The following ARHGEF11 variants were observed in gnomAD, a reference collection of about 807,000 sequenced individuals.
The protein encoded by ARHGEF11 is Rho guanine exchange factor (GEF) 11.
ARHGEF11 carries 55 observed loss-of-function variants against 193.7 expected under a neutral mutation model. The observed-to-expected ratio is 0.28, with a 90% CI of 0.23 to 0.36. The LOEUF (loss-of-function observed/expected upper bound fraction) is 0.36. ARHGEF11 is among the 10% of genes least tolerant of loss of function. The pLI, the probability that ARHGEF11 is intolerant of heterozygous loss-of-function variation, is 1.00. For synonymous variants in ARHGEF11, 693 were observed against 768.0 expected (o/e 0.90, Z 1.62); for missense variants, 1,723 against 2,005.6 (o/e 0.86, Z 2.69).
Position 156,947,377 on chromosome 1 carries a change from C to T in ARHGEF11, c.2415G>A (p.Lys805=), listed in dbSNP as rs1447199624. The change falls in exon 26 of 41, where the codon AAG becomes AAA. Residue 805 remains lysine, a synonymous_variant. Coordinates refer to ENST00000368194, the MANE Select transcript of ARHGEF11 (RefSeq NM_198236.3). ...CCTCCCGGGGCATCAGGTTCTCCTT[C>T]TTCATTCGCTGGTAGAAGATCAGGT... ...VLDLIFYQRM[K]KENLMPREEL... is the part of the protein sequence containing the mutation. 1.9e-6 allele frequency: 3 copies of T among 1,614,074 alleles called. No individual in the cohort carries two copies. Among genetic ancestry groups the T allele is most frequent in the Non-Finnish European group, 1.7e-6 (2 of 1,180,000 alleles).
chr1:156,940,724 A>G (rs907497901), intron 35 of ARHGEF11, among the ~76,000 whole-genome samples: 4 of 152,222 alleles, frequency 2.6e-5, no homozygotes, highest in African/African-American at 7.2e-5. Flanking sequence ...GAAGAAAACA[A>G]CAACAGGGCA....
chr1:156,948,560 G>A lies in ARHGEF11; in HGVS notation c.1926-62C>T, dbSNP rs779165516. The stretch of plus-strand genomic sequence containing the variant: ...AGTCAGTGGGCCATGCTTACATCCT[G>A]GCTAACTCTTACCTGTGGCTCCATC... On this transcript the variant is annotated intron_variant, in intron 22 of 40. Coordinates refer to ENST00000368194, the MANE Select transcript of ARHGEF11 (RefSeq NM_198236.3). The surrounding 1 kb of genome is among the most constrained non-coding windows in gnomAD (Gnocchi z 4.2). The A allele has an allele frequency of 6.2e-7, 1 of 1,613,548 alleles. No individual in the cohort carries two copies. The highest frequency in any genetic ancestry group is 1.1e-5 in the South Asian group (1 of 90,918).
Position 156,935,935 on chromosome 1 carries a change from G to C in ARHGEF11, c.*65C>G. On this transcript the variant is annotated 3_prime_UTR_variant, in exon 41 of 41. Transcript: ENST00000368194. The stretch of plus-strand genomic sequence containing the variant: ...AGTGTTGGGATCCCCCCTACCCTGT[G>C]CCCCGGTCTCAGGCCAGTCCCTGAA... 6.5e-7 allele frequency: 1 copy of C among 1,539,824 alleles called. No individual in the cohort carries two copies. The highest frequency in any genetic ancestry group is 2.3e-4 in the Middle Eastern group (1 of 4,302).
chr1:156,962,371 C>T (rs921916165), intron 13 of ARHGEF11, among the ~76,000 whole-genome samples: 1 of 152,234 alleles, frequency 6.6e-6, no homozygotes, highest in Non-Finnish European at 1.5e-5. Context: ...TCTACTCCAT[C>T]TGCCCTCCCG....
At chr1:156,954,252 T>C (rs2102034329) in intron 21 of ARHGEF11, among the ~76,000 whole-genome samples, 1 of 151,996 alleles carries the variant, frequency 6.6e-6, no homozygotes, top group South Asian at 2.1e-4. Context: ...TAGTGGCACA[T>C]GGCTGTAGTC....
rs375267004 is a variant in ARHGEF11 at position 156,948,375 on chromosome 1, C to T, written c.2049G>A (p.Ala683=). ...SRSDVDMDAA[A]EATRLHQSAS... The stretch of plus-strand genomic sequence containing the variant: ...CTGACTGGTGCAGGCGAGTAGCCTC[C>T]GCAGCAGCATCCATGTCAACATCAC... The change falls in exon 23 of 41, where the codon GCG becomes GCA. Residue 683 remains alanine (A), a synonymous_variant. Transcript: ENST00000368194. This position sits in a 1 kb window ranked among gnomAD's most constrained non-coding sequence, Gnocchi z 4.2. The T allele has an allele frequency of 7.0e-5, 113 of 1,614,226 alleles. No individual in the cohort carries two copies. In the African/African-American group the frequency reaches 1.2e-3, roughly 17 times the overall value.
Position 156,978,253 on chromosome 1 carries a change from G to A in ARHGEF11, c.461C>T (p.Pro154Leu), listed in dbSNP as rs1444580724. The change falls in exon 6 of 41, where the codon CCT becomes CTT. Residue 154 changes from proline (P) to leucine (L), a missense_variant. By Grantham distance (98) the Pro-to-Leu change is moderately conservative. Around this residue, in one of 5 missense-constraint regions of ARHGEF11, gnomAD observed 646 missense variants for 710.7 expected, o/e 0.91. Coordinates refer to ENST00000368194, the MANE Select transcript of ARHGEF11 (RefSeq NM_198236.3). ...GCGTTGTGGAGGTGGTAGAGGTGGA[G>A]GAGGTGGTGGTGAGGGGATCACTGA... ...ITSVIPSPPP[P>L]PPLPPPQRIT... 3.7e-6 allele frequency: 6 copies of A among 1,614,202 alleles called. No individual in the cohort carries two copies. The highest frequency in any genetic ancestry group is 5.1e-6 in the Non-Finnish European group (6 of 1,180,026).
At chr1:157,030,416 T>C (rs1671154716) in intron 1 of ARHGEF11, among the ~76,000 whole-genome samples, 1 of 152,134 alleles carries the variant, frequency 6.6e-6, no homozygotes, top group African/African-American at 2.4e-5. Context: ...AAGAGGGACT[T>C]ATCCTCTTCT....
chr1:157,027,852 C>G (rs116448430), intron 1 of ARHGEF11, among the ~76,000 whole-genome samples: 1,968 of 152,248 alleles, frequency 0.013, 39 homozygotes, highest in African/African-American at 0.045. Flanking sequence ...CCTTCATCTT[C>G]CTTTTAAGAA....
chr1:157,007,452 G>A (rs1667962736), intron 1 of ARHGEF11, among the ~76,000 whole-genome samples: 1 of 152,052 alleles, frequency 6.6e-6, no homozygotes, highest in Non-Finnish European at 1.5e-5. Context: ...TGGCAGCAGG[G>A]GTGTTCAATG....
At chr1:157,031,470 T>C (rs1370584244) in intron 1 of ARHGEF11, among the ~76,000 whole-genome samples, 1 of 152,190 alleles carries the variant, frequency 6.6e-6, no homozygotes, top group Non-Finnish European at 1.5e-5. Flanking sequence ...TGAAGTGTTA[T>C]TTAGGAAACC....
intron 18 of ARHGEF11, 87 bp from the exon 19 acceptor site, chr1:156,956,651 TG>T: frequency 6.4e-7 from 1 of 1,561,912 alleles, no homozygotes; most frequent in South Asian, 1.2e-5. Context: ...CGCAGTGGAG[TG>T]GGGAAGGGGT....
chr1:156,964,168 T>A (rs1240892936), intron 11 of ARHGEF11, among the ~76,000 whole-genome samples: 1 of 152,164 alleles, frequency 6.6e-6, no homozygotes, highest in Non-Finnish European at 1.5e-5. Context: ...GTTTGCCCGC[T>A]CAAGAATCTG....
In ARHGEF11 at chr1:157,008,216, C is replaced by T. The variant is rs73012639; in HGVS notation, c.33-22043G>A. On this transcript the variant is annotated intron_variant, in intron 1 of 40. Coordinates refer to ENST00000368194, the MANE Select transcript of ARHGEF11 (RefSeq NM_198236.3). ...TCACAGACAAGGAAACTAAGGACTA[C>T]AGCCTTTGTTATGGACTGAATGTTT... Among the ~76,000 whole-genome samples, 1,478 of 152,246 alleles carry T rather than the reference C, an allele frequency of 9.7e-3. 15 individuals are homozygous for T. The highest frequency in any genetic ancestry group is 0.028 in the African/African-American group (1,163 of 41,518).
At chr1:156,951,477 G>A in intron 22 of ARHGEF11, 96 bp downstream of exon 22, 1 of 1,525,372 alleles carries the variant, frequency 6.6e-7, no homozygotes, top group Non-Finnish European at 8.9e-7. Context: ...AGAAGCTAGT[G>A]GAGAGGGGTC....
intron 1 of ARHGEF11, among the ~76,000 whole-genome samples, chr1:157,023,591 C>T (rs568135739): frequency 5.7e-4 from 87 of 152,156 alleles, no homozygotes; most frequent in African/African-American, 2.0e-3. Context: ...CATGGTGAAA[C>T]CCCATCTCTA....
At chr1:156,970,434 T>C (rs1662341838) in intron 8 of ARHGEF11, among the ~76,000 whole-genome samples, 3 of 152,222 alleles carry the variant, frequency 2.0e-5, no homozygotes, top group Non-Finnish European at 4.4e-5. Flanking sequence ...GGACAGGCAT[T>C]GGCCTGAGAC....
chr1:157,031,846 C>T (rs1217270530), intron 1 of ARHGEF11, among the ~76,000 whole-genome samples: 1 of 152,152 alleles, frequency 6.6e-6, no homozygotes, highest in Non-Finnish European at 1.5e-5. Flanking sequence ...GTTCTGGAGC[C>T]CTAAGCTCTT....
At chr1:156,980,665 T>A (rs1664000559) in intron 3 of ARHGEF11, among the ~76,000 whole-genome samples, 179 bp from the exon 4 acceptor site, 1 of 152,022 alleles carries the variant, frequency 6.6e-6, no homozygotes, top group African/African-American at 2.4e-5. Context: ...TAAGCTAGAG[T>A]GAACTATATA....
Sources: gnomAD v4.1 joint callset for allele counts (sites outside exome capture counted in the v4.1 genomes callset) on GRCh38, gnomAD v4.1.1 for gene constraint, gnomAD v4.1.1 regional missense constraint, Gnocchi (gnomAD v3.1) non-coding constraint, MANE v1.5 for transcripts, NCBI Gene and HGNC (gene_info 2026-07-23, HGNC 2026-07-21) for gene names.